Variants in FHIT observed in about 807,000 individuals in gnomAD.
FHIT encodes the protein bis(5'-adenosyl)-triphosphatase.
In FHIT, 19 loss-of-function variants were observed where a neutral mutation model predicts 17.9. That is an observed-to-expected ratio of 1.06 (90% CI 0.74 to 1.56). FHIT has a LOEUF of 1.56. Ranked by LOEUF, FHIT falls within the 40% of genes most tolerant of loss-of-function variation. The probability of loss-of-function intolerance (pLI) is 0.00; values close to 1 mark genes in which losing one functional copy is unlikely to be tolerated. For synonymous variants in FHIT, 81 were observed against 69.7 expected, an observed-to-expected ratio of 1.16 and a Z score of -0.81; for missense variants, 248 against 189.2, an observed-to-expected ratio of 1.31 and a Z score of -1.82.
At chr3:61,149,991 TC>T (rs1333147755) in intron 2 of FHIT, among the ~76,000 whole-genome samples, 2 of 152,138 alleles carry the variant, frequency 1.3e-5, no homozygotes, top group African/African-American at 4.8e-5. Flanking sequence ...CCTCCAACCC[TC>T]TCCAGTTAAT....
intron 2 of FHIT, among the ~76,000 whole-genome samples, chr3:61,063,254 T>TAAAAAAAAAAAAAAA (rs1559952531): frequency 3.0e-5 from 1 of 33,836 alleles, no homozygotes. Flanking sequence ...AGACTCTGTC[T>TAAAAAAAAAAAAAAA]CAAAAAAAAA....
At chr3:59,992,535 T>TA (rs2107476233) in intron 7 of FHIT, among the ~76,000 whole-genome samples, 1 of 152,158 alleles carries the variant, frequency 6.6e-6, no homozygotes, top group African/African-American at 2.4e-5. Context: ...ACAAATACAT[T>TA]ACTCCCAGAG....
chr3:60,027,580 C>T (rs1700803692), intron 5 of FHIT, among the ~76,000 whole-genome samples: 1 of 151,972 alleles, frequency 6.6e-6, no homozygotes, highest in South Asian at 2.1e-4. Context: ...AATGCTCCTC[C>T]GCGAGACTGC....
intron 3 of FHIT, among the ~76,000 whole-genome samples, chr3:60,823,894 GA>G (rs1228135238): frequency 1.3e-5 from 2 of 152,148 alleles, no homozygotes; most frequent in East Asian, 3.9e-4. Context: ...TAGGCAGAGG[GA>G]ACAGAAAGTA....
intron 5 of FHIT, among the ~76,000 whole-genome samples, chr3:60,345,387 G>A (rs189177435): frequency 1.4e-4 from 21 of 152,262 alleles, no homozygotes; most frequent in Non-Finnish European, 2.8e-4. Context: ...CCAGGAATAA[G>A]CTTCTTTACC....
At chr3:59,991,759 C>T (rs1412583083) in intron 7 of FHIT, among the ~76,000 whole-genome samples, 1 of 152,054 alleles carries the variant, frequency 6.6e-6, no homozygotes, top group African/African-American at 2.4e-5. Flanking sequence ...ATCCTCTTCA[C>T]ACAGCCATAT....
At chr3:61,249,408 A>G (rs946848871) in intron 1 of FHIT, among the ~76,000 whole-genome samples, 2 of 152,240 alleles carry the variant, frequency 1.3e-5, no homozygotes, top group Non-Finnish European at 2.9e-5. Flanking sequence ...AAATGATCTC[A>G]AAGGTTTTTG....
intron 2 of FHIT, among the ~76,000 whole-genome samples, chr3:61,100,827 T>G (rs2035797185): frequency 6.6e-6 from 1 of 152,246 alleles, no homozygotes; most frequent in African/African-American, 2.4e-5. Context: ...TGAGCATTTT[T>G]TCATGTGTCT....
chr3:60,439,550 G>A (rs541523399), intron 5 of FHIT, among the ~76,000 whole-genome samples: 170 of 152,078 alleles, frequency 1.1e-3, no homozygotes, highest in African/African-American at 3.8e-3. Context: ...TCAGATGGAT[G>A]ACATCCTGAG....
chr3:60,255,753 A>G (rs1046668498), intron 5 of FHIT, among the ~76,000 whole-genome samples: 1 of 152,118 alleles, frequency 6.6e-6, no homozygotes, highest in Non-Finnish European at 1.5e-5. Context: ...CCTTAGATGG[A>G]TATCTATAAC....
rs1251721589 is a variant in FHIT, at chr3:60,175,571, G to A, written c.104-161419C>T. ...TAATGACTCTTTGGGAAGTCTAAATGGCAATACGAGCAAAGTTACAATGCA... is the reference window on the plus strand; with the variant it reads ...TAATGACTCTTTGGGAAGTCTAAATAGCAATACGAGCAAAGTTACAATGCA... On this transcript the variant is annotated intron_variant, in intron 5 of 9. Transcript: ENST00000492590. Among the ~76,000 whole-genome samples, 5 of 152,200 alleles carry A rather than the reference G, an allele frequency of 3.3e-5. No homozygotes were observed. In the East Asian group the frequency reaches 9.6e-4, roughly 29 times the overall value.
chr3:60,222,917 G>A (rs1213886642), intron 5 of FHIT, among the ~76,000 whole-genome samples: 4 of 151,966 alleles, frequency 2.6e-5, no homozygotes, highest in Non-Finnish European at 4.4e-5. Context: ...AAAAAGTAAT[G>A]GCAAAAACCT....
At chr3:60,137,960 GC>G (rs1699884098) in intron 5 of FHIT, among the ~76,000 whole-genome samples, 1 of 152,120 alleles carries the variant, frequency 6.6e-6, no homozygotes, top group Non-Finnish European at 1.5e-5. Context: ...ATCTTGACCA[GC>G]TCCACTTGCA....
intron 2 of FHIT, among the ~76,000 whole-genome samples, chr3:61,091,492 C>T (rs1345844133): frequency 6.6e-6 from 1 of 152,170 alleles, no homozygotes; most frequent in Non-Finnish European, 1.5e-5. Flanking sequence ...CCTACTCGTC[C>T]TCATCATCAC....
rs1034904019 is a variant in FHIT at position 59,762,778 on chromosome 3, G to A, written c.349-10457C>T. Among the ~76,000 whole-genome samples, 12 of 152,270 alleles carry A rather than the reference G, an allele frequency of 7.9e-5. No homozygotes were observed. The South Asian group carries it at 8.3e-4, about 11-fold the overall frequency. ...TCAGGGCAGTTTTCAGGAATTAATCGCTGATCACCAACACCTCACCCCAGG... is the reference window on the plus strand; with the variant it reads ...TCAGGGCAGTTTTCAGGAATTAATCACTGATCACCAACACCTCACCCCAGG... On this transcript the variant is annotated intron_variant, in intron 8 of 9. Transcript: ENST00000492590.
chr3:60,673,036 CAT>C (rs1297535071), intron 4 of FHIT, among the ~76,000 whole-genome samples: 2 of 152,090 alleles, frequency 1.3e-5, no homozygotes, highest in African/African-American at 2.4e-5. Context: ...TATGCTGTCA[CAT>C]GTTTTACTTC....
chr3:60,566,659 A>G (rs1257033428), intron 4 of FHIT, among the ~76,000 whole-genome samples: 1 of 152,134 alleles, frequency 6.6e-6, no homozygotes, highest in East Asian at 1.9e-4. Context: ...AGAAAAGAGG[A>G]AGTCAAATTG....
At chr3:61,240,412 G>A (rs2040346175) in intron 1 of FHIT, among the ~76,000 whole-genome samples, 1 of 152,108 alleles carries the variant, frequency 6.6e-6, no homozygotes, top group South Asian at 2.1e-4. Context: ...CTAAGAATGT[G>A]GCAGCCCTGG....
chr3:59,944,900 A>G (rs1398816346), intron 7 of FHIT, among the ~76,000 whole-genome samples: 1 of 152,190 alleles, frequency 6.6e-6, no homozygotes, highest in Non-Finnish European at 1.5e-5. Context: ...GTGCATATTT[A>G]GTACATTTTC....
Sources: allele counts gnomAD v4.1 joint callset (sites outside exome capture counted in the v4.1 genomes callset), GRCh38; gene constraint gnomAD v4.1.1; transcripts MANE v1.5; gene names NCBI Gene and HGNC (gene_info 2026-07-23, HGNC 2026-07-21).